SH3TC1: variants seen among roughly 807,000 people sequenced by gnomAD.
The protein encoded by SH3TC1 is SH3 domain and tetratricopeptide repeat-containing protein 1.
A neutral mutation model predicts 117.3 loss-of-function variants in SH3TC1; 135 were observed. The observed-to-expected ratio is 1.15, with a 90% CI of 1.00 to 1.33. SH3TC1 has a LOEUF of 1.33. Among genes scored for constraint, SH3TC1 ranks in the 40% most tolerant of loss-of-function variants. The probability of loss-of-function intolerance (pLI) is 0.00; values close to 1 mark genes in which losing one functional copy is unlikely to be tolerated. For synonymous variants in SH3TC1, 898 were observed against 816.9 expected (o/e 1.10, Z -1.69); for missense variants, 2,092 against 1,794.3 (o/e 1.17, Z -3.00).
At chr4:8,223,039 T>G in intron 10 of SH3TC1, 69 bp downstream of exon 10, 1 of 1,547,964 alleles carries the variant, frequency 6.5e-7, no homozygotes, top group East Asian at 2.3e-5. Context: ...CCTGCTGCCC[T>G]CGTCCATCCA....
intron 1 of SH3TC1, among the ~76,000 whole-genome samples, chr4:8,193,178 T>G (rs1717467622): frequency 6.6e-6 from 1 of 152,176 alleles, no homozygotes; most frequent in African/African-American, 2.4e-5. Flanking sequence ...CCTCCCCTCT[T>G]CTAGAACGAC....
At chr4:8,234,866 C>A (rs1204057073) in intron 14 of SH3TC1, among the ~76,000 whole-genome samples, 1 of 152,236 alleles carries the variant, frequency 6.6e-6, no homozygotes, top group East Asian at 1.9e-4. Context: ...TGGCAAATCT[C>A]CTTACAAAAT....
Position 8,228,263 on chromosome 4 carries a change from G to A in SH3TC1, c.2569G>A (p.Ala857Thr). 3 of 1,612,138 alleles carry A rather than the reference G, an allele frequency of 1.9e-6. No individual in the cohort carries two copies. Among genetic ancestry groups the A allele is most frequent in the Non-Finnish European group, 2.5e-6 (3 of 1,179,658 alleles). Reference sequence around the variant, plus strand: ...GCAGTCTGTCCGGGATGCAGTGGTGGCCAGCGAGGACCAGGAGGGCGTGAT... The same window carrying A: ...GCAGTCTGTCCGGGATGCAGTGGTGACCAGCGAGGACCAGGAGGGCGTGAT... The part of the protein sequence containing the change: ...ILQSVRDAVV[A>T]SEDQEGVIAN... The change falls in exon 12 of 18, where the codon GCC becomes ACC. Residue 857 changes from alanine to threonine, a missense_variant. Coordinates refer to ENST00000245105, the MANE Select transcript of SH3TC1 (RefSeq NM_018986.5).
chr4:8,234,262 T>C (rs1721587654), intron 14 of SH3TC1, among the ~76,000 whole-genome samples: 2 of 151,450 alleles, frequency 1.3e-5, no homozygotes, highest in African/African-American at 4.9e-5. Flanking sequence ...CACCTGTTTG[T>C]CCACCCATCC....
intron 17 of SH3TC1, among the ~76,000 whole-genome samples, chr4:8,238,639 T>C (rs1392414196): frequency 6.6e-6 from 1 of 151,986 alleles, no homozygotes; most frequent in African/African-American, 2.4e-5. Flanking sequence ...CACCTGGTGG[T>C]CAGAAGCGGT....
In SH3TC1 at chr4:8,240,870, C is replaced by T; in HGVS notation, c.3926C>T (p.Thr1309Ile). 2 of 1,613,692 alleles carry T rather than the reference C, an allele frequency of 1.2e-6. No individual in the cohort carries two copies. Among genetic ancestry groups the T allele is most frequent in the Non-Finnish European group, 1.7e-6 (2 of 1,180,032 alleles). ...TACCAGAAGGCCAGGACCTTCGCCA[C>T]AGAGCTCAACGTCCGCAGGGTCAAC... is the stretch of plus-strand genomic sequence containing the variant. ...FFYQKARTFA[T>I]ELNVRRVNLP... is the part of the protein sequence containing the mutation. The change falls in exon 18 of 18, where the codon ACA becomes ATA. Residue 1309 changes from threonine (T) to isoleucine (I), a missense_variant. Thr to Ile is a moderately conservative substitution (Grantham distance 89). Transcript: ENST00000245105.
At chr4:8,234,501 AT>A (rs1560115222) in intron 14 of SH3TC1, among the ~76,000 whole-genome samples, 1 of 149,018 alleles carries the variant, frequency 6.7e-6, no homozygotes, top group African/African-American at 2.5e-5. Flanking sequence ...CCACCCATCC[AT>A]CCATTCATCT....
In SH3TC1 at chr4:8,240,789, G is replaced by A. The variant is rs137947492; in HGVS notation, c.3845G>A (p.Arg1282Gln). The part of the protein sequence containing the change: ...NKKAQLKIYT[R>Q]LATIYHNFLL... ...AAGGCACAGCTGAAGATCTACACGC[G>A]GCTGGCCACCATCTACCACAACTTC... The change falls in exon 18 of 18, where the codon CGG (arginine) becomes CAG (glutamine). Residue 1282 changes from arginine (R) to glutamine (Q), a missense_variant. Coordinates refer to ENST00000245105, the MANE Select transcript of SH3TC1 (RefSeq NM_018986.5). 37 of 1,613,990 alleles carry A rather than the reference G, an allele frequency of 2.3e-5. No homozygotes were observed. In the African/African-American group the frequency reaches 2.4e-4, roughly 10 times the overall value.
chr4:8,227,845 C>T lies in SH3TC1; in HGVS notation c.2151C>T (p.Tyr717=), dbSNP rs901901630. The change falls in exon 12 of 18, where the codon TAC becomes TAT. Residue 717 remains tyrosine (Y), a synonymous_variant. Transcript: ENST00000245105. ...SDCYLLLADI[Y]SRKCLPHLVL... ...GCTACCTACTCCTGGCTGACATCTA[C>T]AGCCGCAAGTGCCTGCCCCACCTGG... The T allele has an allele frequency of 6.2e-7, 1 of 1,612,812 alleles. No individual in the cohort carries two copies. The highest frequency in any genetic ancestry group is 1.1e-5 in the South Asian group (1 of 91,086).
At chr4:8,208,431 G>A (rs149185156) in intron 2 of SH3TC1, among the ~76,000 whole-genome samples, 1,871 of 148,024 alleles carry the variant, frequency 0.013, 45 homozygotes, top group African/African-American at 0.044. Context: ...GCAATGGTGT[G>A]ATCTCGACTC....
Position 8,227,018 on chromosome 4 carries a change from A to T in SH3TC1, c.1324A>T (p.Thr442Ser), listed in dbSNP as rs1354974484. 1.3e-6 allele frequency: 2 copies of T among 1,568,768 alleles called. No individual in the cohort carries two copies. The highest frequency in any genetic ancestry group is 1.4e-5 in the African/African-American group (1 of 72,936). ...PPCLSLEPQE[T>S]LQKVKNVLEQ... is the part of the protein sequence containing the mutation. ...TTGCCTGAGCCTGGAGCCACAGGAG[A>T]CCTTGCAGAAGGTGAAGAATGTTCT... Residue 442 changes from threonine (T) to serine (S), a missense_variant, in exon 12 of 18, where the codon ACC becomes TCC. By Grantham distance (58) the Thr-to-Ser change is moderately conservative. Coordinates refer to ENST00000245105, the MANE Select transcript of SH3TC1 (RefSeq NM_018986.5).
intron 10 of SH3TC1, among the ~76,000 whole-genome samples, chr4:8,224,239 C>T (rs933531666): frequency 6.6e-6 from 1 of 152,222 alleles, no homozygotes; most frequent in Non-Finnish European, 1.5e-5. Context: ...TTTTTTCCTG[C>T]TTGCTCGATG....
chr4:8,192,495 T>TATTTTATTTTATTTC lies in SH3TC1; in HGVS notation c.-57+10289_-57+10290insTATTTTATTTCATTT, dbSNP rs1554130840. 6.0e-5 allele frequency among the ~76,000 whole-genome samples: 8 copies of TATTTTATTTTATTTC among 133,566 alleles called. No individual in the cohort carries two copies. Among genetic ancestry groups the TATTTTATTTTATTTC allele is most frequent in the African/African-American group, 1.7e-4 (6 of 36,024 alleles). The allele number at this position is 133,566 out of a possible 152,430, so 87.6% of individuals were successfully genotyped here. A position where few individuals can be genotyped will look rare whatever the true frequency, so the allele number is the denominator to read the frequency against. On this transcript the variant is annotated intron_variant, in intron 1 of 16. Coordinates refer to the SH3TC1 transcript ENST00000508641. The surrounding 1 kb of genome is among the most constrained non-coding windows in gnomAD (Gnocchi z 4.1). ...TATTTTATTTTATTTTATTTTATTT[T>TATTTTATTTTATTTC]ATTTCATTTTATTTTTGAGATGGAG...
In SH3TC1 at chr4:8,228,504, C is replaced by G. The variant is rs772417635; in HGVS notation, c.2810C>G (p.Pro937Arg). The change falls in exon 12 of 18, where the codon CCC (proline) becomes CGC (arginine). Residue 937 changes from proline to arginine, a missense_variant. Physicochemically the swap from Pro to Arg is moderately radical, Grantham distance 103. Coordinates refer to ENST00000245105, the MANE Select transcript of SH3TC1 (RefSeq NM_018986.5). Reference protein sequence around the residue: ...LEAVRLFSRLPLGECGRDFTH... With the variant: ...LEAVRLFSRLRLGECGRDFTH... ...GCCGTGCGGCTGTTCTCGAGGCTGC[C>G]CCTTGGGGAGTGTGGCCGGGACTTC... 6.2e-7 allele frequency: 1 copy of G among 1,611,608 alleles called. No individual in the cohort carries two copies. Among genetic ancestry groups the G allele is most frequent in the African/African-American group, 1.3e-5 (1 of 75,066 alleles).
chr4:8,210,270 G>T lies in SH3TC1; in HGVS notation c.247+448G>T, dbSNP rs1718546568. 2.6e-5 allele frequency among the ~76,000 whole-genome samples: 4 copies of T among 152,212 alleles called. No individual in the cohort carries two copies. The highest frequency in any genetic ancestry group is 2.6e-4 in the Admixed American group (4 of 15,288). Reference sequence around the variant, plus strand: ...GCCCACAAAGGGGGCCCAGGAAGCTGCTGGCTGTGAAGGTGTAAGAAGCCC... The same window carrying T: ...GCCCACAAAGGGGGCCCAGGAAGCTTCTGGCTGTGAAGGTGTAAGAAGCCC... On this transcript the variant is annotated intron_variant, in intron 3 of 17. Coordinates refer to ENST00000245105, the MANE Select transcript of SH3TC1 (RefSeq NM_018986.5). The surrounding 1 kb of genome is among the most constrained non-coding windows in gnomAD (Gnocchi z 4.1).
At chr4:8,222,612 G>A (rs916590507) in intron 9 of SH3TC1, among the ~76,000 whole-genome samples, 4 of 151,946 alleles carry the variant, frequency 2.6e-5, no homozygotes, top group African/African-American at 9.7e-5. Context: ...GACCTCAAGT[G>A]ATCCGCCCAC....
intron 13 of SH3TC1, 24 bp from the exon 14 acceptor site, chr4:8,233,339 T>C (rs763791789): frequency 6.3e-7 from 1 of 1,588,252 alleles, no homozygotes. Flanking sequence ...CAGCCCTTGT[T>C]CTGACACCTG....
In SH3TC1 at chr4:8,219,409, CTCA is replaced by C. The variant is rs1445400551; in HGVS notation, c.994_996del (p.Ile332del). 1 of 1,611,496 alleles carries C rather than the reference CTCA, an allele frequency of 6.2e-7. No individual in the cohort carries two copies. Among genetic ancestry groups the C allele is most frequent in the Non-Finnish European group, 8.5e-7 (1 of 1,178,712 alleles). ...AGAGATGACCTTCCGAGGTGGCGAC[CTCA>C]TCGAGATCCTTGGGGCGCAGGTGCC... is the stretch of plus-strand genomic sequence containing the variant. On this transcript the variant is annotated inframe_deletion, in exon 9 of 18. Transcript: ENST00000245105.
At chr4:8,202,943 C>T (rs1717935670) in intron 1 of SH3TC1, among the ~76,000 whole-genome samples, 1 of 152,192 alleles carries the variant, frequency 6.6e-6, no homozygotes, top group South Asian at 2.1e-4. Context: ...GCTGATGGAG[C>T]CCAAGGTATG....
Sources: allele counts gnomAD v4.1 joint callset (sites outside exome capture counted in the v4.1 genomes callset), GRCh38; gene constraint gnomAD v4.1.1; non-coding constraint Gnocchi (gnomAD v3.1); transcripts MANE v1.5; gene names NCBI Gene and HGNC (gene_info 2026-07-23, HGNC 2026-07-21).